Variants in KLRG1 observed in about 807,000 individuals in gnomAD.
KLRG1 encodes killer cell lectin like receptor G1, also known as killer cell lectin-like receptor subfamily G member 1.
In KLRG1, 16 loss-of-function variants were observed where a neutral mutation model predicts 21.8. The ratio of observed to expected loss-of-function variants is 0.73; its 90% CI spans 0.50 to 1.11. The LOEUF is 1.11. Among genes scored for constraint, KLRG1 ranks in the 50% most tolerant of loss-of-function variants. The pLI, the probability that KLRG1 is intolerant of heterozygous loss-of-function variation, is 0.00. For synonymous variants in KLRG1, 69 were observed against 75.9 expected (o/e 0.91, Z 0.47); for missense variants, 173 against 218.3 (o/e 0.79, Z 1.31).
the KLRG1 span, chr12:9,113,456 C>T: frequency 6.2e-7 from 1 of 1,613,932 alleles, no homozygotes; most frequent in South Asian, 1.1e-5. Context: ...CACTTACAGT[C>T]ACTGTCTCAT....
chr12:9,009,468 C>CA lies in KLRG1; in HGVS notation c.506dup (p.Asn169LysfsTer9). 6.2e-7 allele frequency: 1 copy of CA among 1,613,890 alleles called. No individual in the cohort carries two copies. Among genetic ancestry groups the CA allele is most frequent in the Non-Finnish European group, 8.5e-7 (1 of 1,179,920 alleles). On this transcript the variant is annotated frameshift_variant, in exon 5 of 5. Coordinates refer to ENST00000356986, the MANE Select transcript of KLRG1 (RefSeq NM_005810.4). LOFTEE classifies it high-confidence loss of function. ...TTGTGCAGACATGCGGTGCCATCAA[C>CA]AAAAATGGTCTTCAAGCCTCAAGCT...
intron 1 of KLRG1, among the ~76,000 whole-genome samples, chr12:8,959,703 A>T (rs1946352233): frequency 6.6e-6 from 1 of 151,938 alleles, no homozygotes; most frequent in South Asian, 2.1e-4. Flanking sequence ...GTAGGCCTTA[A>T]TTTTTTTCAG....
intron 2 of KLRG1, among the ~76,000 whole-genome samples, chr12:8,993,445 C>A (rs759949427): frequency 2.6e-5 from 4 of 151,994 alleles, no homozygotes; most frequent in African/African-American, 9.7e-5. Flanking sequence ...CCTGCCACCA[C>A]GCCCAGCTAA....
At chr12:9,189,000 A>G in the KLRG1 span, among the ~76,000 whole-genome samples, 3 of 152,178 alleles carry the variant, frequency 2.0e-5, no homozygotes, top group Non-Finnish European at 4.4e-5. Context: ...GAAATCAGAG[A>G]TGATGCAAAT....
chr12:9,186,867 G>A, the KLRG1 span, among the ~76,000 whole-genome samples: 3 of 149,228 alleles, frequency 2.0e-5, no homozygotes, highest in South Asian at 6.4e-4. Flanking sequence ...GGGGGCTGGG[G>A]GAGGGATAGC....
the KLRG1 span, chr12:9,065,053 G>A: frequency 6.6e-6 from 1 of 152,224 alleles, no homozygotes; most frequent in Non-Finnish European, 1.5e-5. Flanking sequence ...GTCCTGGGCT[G>A]CCCCTGAGCC....
chr12:9,078,365 T>A, the KLRG1 span, among the ~76,000 whole-genome samples: 1 of 152,228 alleles, frequency 6.6e-6, no homozygotes, highest in Admixed American at 6.5e-5. Context: ...GCAAAGGACA[T>A]GATTTCATTT....
the KLRG1 span, among the ~76,000 whole-genome samples, chr12:9,065,515 C>T: frequency 6.6e-6 from 1 of 152,208 alleles, no homozygotes; most frequent in Admixed American, 6.5e-5. Flanking sequence ...TACGCCAGCC[C>T]CCTGCCGTCT....
At chr12:9,164,248 C>A in the KLRG1 span, 4 of 1,613,202 alleles carry the variant, frequency 2.5e-6, no homozygotes, top group South Asian at 4.4e-5. Context: ...AGGCTTTCAG[C>A]TGCACACTGA....
chr12:9,088,116 G>T, the KLRG1 span, among the ~76,000 whole-genome samples: 1 of 152,166 alleles, frequency 6.6e-6, no homozygotes, highest in African/African-American at 2.4e-5. Context: ...TTTATAGAAT[G>T]AAACTTATAC....
chr12:9,121,651 A>G, the KLRG1 span, among the ~76,000 whole-genome samples: 7 of 152,238 alleles, frequency 4.6e-5, no homozygotes, highest in African/African-American at 1.7e-4. This position sits in a 1 kb window ranked among gnomAD's most constrained non-coding sequence, Gnocchi z 4.4. Context: ...ATTTCCACAC[A>G]TAATCCATTT....
chr12:9,127,983 G>C, the KLRG1 span: 1 of 307,686 alleles, frequency 3.3e-6, no homozygotes, highest in Admixed American at 3.6e-5. Flanking sequence ...CCTGGCTGCA[G>C]ATCACTTCCG....
At chr12:9,017,284 A>G in the KLRG1 span, among the ~76,000 whole-genome samples, 6 of 148,780 alleles carry the variant, frequency 4.0e-5, no homozygotes, top group South Asian at 2.1e-4. Context: ...AAAAAAAAAA[A>G]AAAAAAGAAA....
the KLRG1 span, among the ~76,000 whole-genome samples, chr12:9,021,513 G>A: frequency 6.7e-6 from 1 of 149,880 alleles, no homozygotes; most frequent in Admixed American, 6.7e-5. Flanking sequence ...CGATTCTCAC[G>A]CCTCAGCCTC....
chr12:9,121,222 C>T, the KLRG1 span, among the ~76,000 whole-genome samples: 4 of 152,074 alleles, frequency 2.6e-5, no homozygotes, highest in Non-Finnish European at 5.9e-5. This position sits in a 1 kb window ranked among gnomAD's most constrained non-coding sequence, Gnocchi z 4.4. Flanking sequence ...TTTGAATATA[C>T]AAAGATAAAA....
chr12:9,111,419 C>A, the KLRG1 span: 1 of 418,422 alleles, frequency 2.4e-6, no homozygotes. Flanking sequence ...AAAGTAGAAG[C>A]TGGGAGACCA....
the KLRG1 span, among the ~76,000 whole-genome samples, chr12:9,194,752 C>G: frequency 1.3e-5 from 2 of 152,106 alleles, no homozygotes; most frequent in Non-Finnish European, 2.9e-5. Context: ...GCGTGAGCCA[C>G]CGTGCCCGGC....
At chr12:9,200,117 C>T in the KLRG1 span, among the ~76,000 whole-genome samples, 17,994 of 152,038 alleles carry the variant, frequency 0.12, 1,270 homozygotes, top group East Asian at 0.26. Flanking sequence ...GTGATTTATC[C>T]TAAGATGTTA....
intron 3 of KLRG1, among the ~76,000 whole-genome samples, chr12:9,002,468 T>C (rs1477448822): frequency 1.3e-5 from 2 of 152,232 alleles, no homozygotes; most frequent in Non-Finnish European, 2.9e-5. Flanking sequence ...TTCTAAAATA[T>C]AAGCAAACAT....
Sources: allele counts gnomAD v4.1 joint callset (sites outside exome capture counted in the v4.1 genomes callset), GRCh38; gene constraint gnomAD v4.1.1; non-coding constraint Gnocchi (gnomAD v3.1); transcripts MANE v1.5; gene names NCBI Gene and HGNC (gene_info 2026-07-23, HGNC 2026-07-21).